ATP6V0D2: variants seen among roughly 807,000 people sequenced by gnomAD.
ATP6V0D2 encodes V-type proton ATPase subunit d 2.
A neutral mutation model predicts 40.0 loss-of-function variants in ATP6V0D2; 40 were observed. The ratio of observed to expected loss-of-function variants is 1.00; its 90% confidence interval spans 0.78 to 1.30. The LOEUF (loss-of-function observed/expected upper bound fraction) is 1.30. Ranked by LOEUF, ATP6V0D2 falls within the 50% of genes most tolerant of loss-of-function variation. The probability of loss-of-function intolerance (pLI) is 0.00; values close to 1 mark genes in which losing one functional copy is unlikely to be tolerated. For missense variants in ATP6V0D2, 470 were observed against 423.1 expected (o/e 1.11, Z -0.97); for synonymous variants, 179 against 156.3 (o/e 1.15, Z -1.08).
chr8:86,103,411 G>A (rs1017656968), intron 1 of ATP6V0D2, among the ~76,000 whole-genome samples: 3 of 151,598 alleles, frequency 2.0e-5, no homozygotes, highest in African/African-American at 4.8e-5. Context: ...GATTACAGAC[G>A]TGAGCTGCTG....
At chr8:86,136,727 C>T (rs1818902522) in intron 2 of ATP6V0D2, among the ~76,000 whole-genome samples, 1 of 152,116 alleles carries the variant, frequency 6.6e-6, no homozygotes, top group African/African-American at 2.4e-5. Flanking sequence ...CCCCCTTTTC[C>T]AACCAGAAAC....
At chr8:86,115,199 C>G (rs9643144) in intron 2 of ATP6V0D2, among the ~76,000 whole-genome samples, 77,387 of 151,612 alleles carry the variant, frequency 0.51, 20,149 homozygotes, top group Non-Finnish European at 0.57. Flanking sequence ...GGCAGAGACT[C>G]CTTCTGAAAG....
chr8:86,118,209 C>A (rs1283739228), intron 2 of ATP6V0D2, among the ~76,000 whole-genome samples: 1 of 147,092 alleles, frequency 6.8e-6, no homozygotes, highest in Non-Finnish European at 1.5e-5. Context: ...TACAGGCGCA[C>A]GCCACCACGC....
intron 2 of ATP6V0D2, among the ~76,000 whole-genome samples, chr8:86,130,048 A>G (rs1270103834): frequency 6.6e-6 from 1 of 151,820 alleles, no homozygotes; most frequent in Admixed American, 6.6e-5. Flanking sequence ...CTATTTTCTC[A>G]CTTATTTCCT....
chr8:86,112,432 T>C (rs1199561553), intron 1 of ATP6V0D2, among the ~76,000 whole-genome samples: 2 of 152,220 alleles, frequency 1.3e-5, no homozygotes, highest in Non-Finnish European at 2.9e-5. Context: ...TTAATCTATG[T>C]GATCTTGAAC....
intron 2 of ATP6V0D2, among the ~76,000 whole-genome samples, chr8:86,129,322 C>A (rs556680187): frequency 6.6e-6 from 1 of 152,148 alleles, no homozygotes; most frequent in Non-Finnish European, 1.5e-5. Context: ...GTGTGCACAG[C>A]GACCCTGTGA....
intron 7 of ATP6V0D2, among the ~76,000 whole-genome samples, chr8:86,151,859 A>G (rs1354445314): frequency 1.3e-5 from 2 of 150,872 alleles, no homozygotes; most frequent in Admixed American, 1.3e-4. Flanking sequence ...GAAGAACATT[A>G]TTACAAATGC....
At chr8:86,104,590 C>G (rs1818444129) in intron 1 of ATP6V0D2, among the ~76,000 whole-genome samples, 1 of 151,978 alleles carries the variant, frequency 6.6e-6, no homozygotes, top group African/African-American at 2.4e-5. Context: ...TAAAAAGAAA[C>G]TAAAAATAGA....
At position 86,151,501 on chromosome 8, in the gene ATP6V0D2, TG is replaced by T; in HGVS notation, c.857del (p.Gly286GlufsTer15). 2 of 1,607,502 alleles carry T rather than the reference TG, an allele frequency of 1.2e-6. No individual in the cohort carries two copies. Among genetic ancestry groups the T allele is most frequent in the South Asian group, 1.1e-5 (1 of 89,684 alleles). ...CTTTATTTGAAGCTGTAGGTGGCAG[TG>T]GGGGAAAGACATTGGAGGACGTGTT... is the stretch of plus-strand genomic sequence containing the variant. ...KPLFEAVGGS[G>X]GKTLEDVFYE... is the part of the protein sequence containing the mutation. On this transcript the variant is annotated frameshift_variant, in exon 7 of 8. Coordinates refer to ENST00000285393, the MANE Select transcript of ATP6V0D2 (RefSeq NM_152565.1). LOFTEE classifies it low-confidence loss of function (END_TRUNC).
intron 4 of ATP6V0D2, among the ~76,000 whole-genome samples, chr8:86,142,049 A>C (rs1818982189): frequency 6.6e-6 from 1 of 152,172 alleles, no homozygotes; most frequent in Non-Finnish European, 1.5e-5. Flanking sequence ...CTGTGCTGCC[A>C]CCATTTGAGT....
chr8:86,151,645 T>G, intron 7 of ATP6V0D2, 105 bp downstream of exon 7: 1 of 807,382 alleles, frequency 1.2e-6, no homozygotes, highest in South Asian at 1.7e-5. Context: ...TGCCAATTGA[T>G]TAGGCACATT....
chr8:86,145,195 A>AAAAGAAAGAAAG (rs796950589), intron 5 of ATP6V0D2, among the ~76,000 whole-genome samples: 292 of 14,564 alleles, frequency 0.02, 6 homozygotes, highest in South Asian at 0.037. Flanking sequence ...AGAAAGAAAG[A>AAAAGAAAGAAAG]AAAGAAAGAA....
chr8:86,140,080 T>G (rs944755806), intron 3 of ATP6V0D2, among the ~76,000 whole-genome samples: 1 of 152,236 alleles, frequency 6.6e-6, no homozygotes, highest in African/African-American at 2.4e-5. Flanking sequence ...AGGAAGCATT[T>G]TCTTTCAGGA....
chr8:86,147,334 A>T (rs1819084651), intron 5 of ATP6V0D2, among the ~76,000 whole-genome samples: 2 of 152,234 alleles, frequency 1.3e-5, no homozygotes, highest in South Asian at 4.1e-4. Flanking sequence ...GCAAGTAAAC[A>T]GTTCATTGCT....
chr8:86,146,485 C>G (rs1048890252), intron 5 of ATP6V0D2, among the ~76,000 whole-genome samples: 1 of 152,016 alleles, frequency 6.6e-6, no homozygotes, highest in African/African-American at 2.4e-5. Flanking sequence ...CGCTTGAAGC[C>G]AGGAGTTTGA....
intron 5 of ATP6V0D2, among the ~76,000 whole-genome samples, chr8:86,146,131 G>A (rs188338297): frequency 8.5e-5 from 13 of 152,246 alleles, no homozygotes; most frequent in African/African-American, 2.6e-4. Flanking sequence ...TTATATAAAC[G>A]TGAGTGCTAA....
rs1554588158 is a variant in ATP6V0D2 at position 86,121,604 on chromosome 8, G to GGAGGAGGAT, written c.302+7732_302+7733insTGAGGAGGA. ...AGGAGGAGGAGGAGGAGGAGGAGGA[G>GGAGGAGGAT]GAGGAGGAGGAGGAGAAGGAGAAAG... is the stretch of plus-strand genomic sequence containing the variant. On this transcript the variant is annotated intron_variant, in intron 2 of 7. Transcript: ENST00000285393. Among the ~76,000 whole-genome samples, 497 of 141,198 alleles carry GGAGGAGGAT rather than the reference G, an allele frequency of 3.5e-3. 42 individuals carry two copies. In the South Asian group the frequency reaches 0.049, roughly 14 times the overall value. The allele number at this position is 141,198 out of a possible 152,430, so 92.6% of individuals were successfully genotyped here. A position where few individuals can be genotyped will look rare whatever the true frequency, so the allele number is the denominator to read the frequency against.
intron 2 of ATP6V0D2, among the ~76,000 whole-genome samples, chr8:86,129,533 C>T (rs1393471802): frequency 6.6e-6 from 1 of 151,884 alleles, no homozygotes. Context: ...AAAAATTGGC[C>T]GGGCACAGTG....
chr8:86,151,388 A>G (rs1819149091), intron 6 of ATP6V0D2, 78 bp from the exon 7 acceptor site: 1 of 1,040,344 alleles, frequency 9.6e-7, no homozygotes, highest in African/African-American at 1.7e-5. Context: ...CACAATTTCT[A>G]TAATGCTAGG....
Sources: gnomAD v4.1 joint callset for allele counts (sites outside exome capture counted in the v4.1 genomes callset) on GRCh38, gnomAD v4.1.1 for gene constraint, MANE v1.5 for transcripts, NCBI Gene and HGNC (gene_info 2026-07-23, HGNC 2026-07-21) for gene names.